The following IGF1 variants were observed in gnomAD, a reference collection of about 807,000 sequenced individuals.
IGF1 encodes the protein insulin-like growth factor 1.
IGF1 carries 4 observed loss-of-function variants against 13.8 expected under a neutral mutation model. The ratio of observed to expected loss-of-function variants is 0.29; its 90% confidence interval spans 0.14 to 0.66. The LOEUF is 0.66. Ranked by LOEUF, IGF1 falls within the 30% of genes least tolerant of loss-of-function variation. The pLI is 0.78. For synonymous variants in IGF1, 76 were observed against 72.6 expected, an observed-to-expected ratio of 1.05 and a Z score of -0.23; for missense variants, 124 against 188.5, an observed-to-expected ratio of 0.66 and a Z score of 2.00.
At chr12:102,447,537 T>C in intron 2 of IGF1, among the ~76,000 whole-genome samples, 1 of 152,262 alleles carries the variant, frequency 6.6e-6, no homozygotes, top group East Asian at 1.9e-4. Flanking sequence ...AGACTAGGAT[T>C]GCAACCTCTT....
rs1874241151 is a variant in IGF1 at position 102,407,150 on chromosome 12, A to AG, written c.403-4585_403-4584insC. Reference sequence around the variant, plus strand: ...AAAAAAAAAAGATCACTGAGGACTAATAACAACGGCAATAATAATAATCTT... The same window carrying AG: ...AAAAAAAAAAGATCACTGAGGACTAAGTAACAACGGCAATAATAATAATCTT... On this transcript the variant is annotated intron_variant, in intron 3 of 3. Coordinates refer to ENST00000337514, the MANE Select transcript of IGF1 (RefSeq NM_000618.5). 4.0e-5 allele frequency among the ~76,000 whole-genome samples: 6 copies of AG among 149,252 alleles called. No homozygotes were observed. In the Admixed American group the frequency reaches 4.0e-4, roughly 10 times the overall value.
In IGF1 at chr12:102,404,506, T is replaced by C. The variant is rs17879785; in HGVS notation, c.403-1940A>G. Reference sequence around the variant, plus strand: ...TTTTATGAGTCGATGGTCAACATCTTGTACTGACTGAGTAGAAGGAAGATG... The same window carrying C: ...TTTTATGAGTCGATGGTCAACATCTCGTACTGACTGAGTAGAAGGAAGATG... On this transcript the variant is annotated intron_variant, in intron 3 of 3. Coordinates refer to ENST00000337514, the MANE Select transcript of IGF1 (RefSeq NM_000618.5). Among the ~76,000 whole-genome samples the C allele has an allele frequency of 5.1e-3, 774 of 152,308 alleles. 1 individual carries two copies. The highest frequency in any genetic ancestry group is 8.3e-3 in the Non-Finnish European group (567 of 68,034).
chr12:102,434,385 T>G (rs1410036684), intron 2 of IGF1, among the ~76,000 whole-genome samples: 1 of 148,620 alleles, frequency 6.7e-6, no homozygotes, highest in African/African-American at 2.5e-5. Context: ...CACCTATGAA[T>G]GAGAACATGC....
In IGF1 at chr12:102,414,663, A is replaced by T. The variant is rs200289652; in HGVS notation, c.402+4846T>A. 9.9e-5 allele frequency among the ~76,000 whole-genome samples: 15 copies of T among 152,162 alleles called. No homozygotes were observed. In the East Asian group the frequency reaches 2.7e-3, roughly 27 times the overall value. ...GGTCTTGAACTCCTGAGCTCAGGCAATCTGCCCGCCTTGGCCTCCCAAAGT... is the reference window on the plus strand; with the variant it reads ...GGTCTTGAACTCCTGAGCTCAGGCATTCTGCCCGCCTTGGCCTCCCAAAGT... On this transcript the variant is annotated intron_variant, in intron 3 of 3. Transcript: ENST00000337514.
chr12:102,472,884 C>CA lies in IGF1; in HGVS notation c.220+2758dup, dbSNP rs55911418. 9.4e-4 allele frequency among the ~76,000 whole-genome samples: 141 copies of CA among 150,588 alleles called. 1 individual carries two copies. In the East Asian group the frequency reaches 0.018, roughly 19 times the overall value. On this transcript the variant is annotated intron_variant, in intron 2 of 3. Coordinates refer to ENST00000337514, the MANE Select transcript of IGF1 (RefSeq NM_000618.5). ...ATTGTTAGTATATATTTTTTCAGTT[C>CA]AAAAAAAAATAAAAGCAGTTTTATT... is the stretch of plus-strand genomic sequence containing the variant.
At chr12:102,464,810 G>A (rs1412096896) in intron 2 of IGF1, among the ~76,000 whole-genome samples, 2 of 152,188 alleles carry the variant, frequency 1.3e-5, no homozygotes, top group Non-Finnish European at 2.9e-5. Context: ...TTGAGAGTGC[G>A]AAGATACTTT....
At position 102,419,710 on chromosome 12, in the gene IGF1, T is replaced by C. The variant is rs1447122818; in HGVS notation, c.221-20A>G. 5.0e-6 allele frequency: 8 copies of C among 1,609,226 alleles called. No individual in the cohort carries two copies. Among genetic ancestry groups the C allele is most frequent in the Non-Finnish European group, 5.1e-6 (6 of 1,179,830 alleles). On this transcript the variant is annotated intron_variant, in intron 2 of 3. Transcript: ENST00000337514. ...GCTTGTCTGCACAAATCAAACAGAG[T>C]GGCCTCATGTTAGGGTGCAATCTGC... is the stretch of plus-strand genomic sequence containing the variant.
intron 1 of IGF1, among the ~76,000 whole-genome samples, chr12:102,476,100 C>T (rs1363220786): frequency 2.0e-5 from 3 of 152,122 alleles, no homozygotes; most frequent in Non-Finnish European, 2.9e-5. Context: ...GAAACGTTTA[C>T]TACGGAAATG....
rs889009661 is a variant in IGF1, at chr12:102,402,448, C to T, written c.*59G>A. 11 of 780,128 alleles carry T rather than the reference C, an allele frequency of 1.4e-5. No individual in the cohort carries two copies. Among genetic ancestry groups the T allele is most frequent in the African/African-American group, 3.4e-5 (2 of 59,088 alleles). 48.3% of individuals were successfully genotyped at this position (780,128 alleles called of 1,614,324 possible). On this transcript the variant is annotated 3_prime_UTR_variant, in exon 4 of 4. Transcript: ENST00000337514. ...GTGTTCCAAAGTTTAACAGGTAACT[C>T]GTGCAGAGCAAAGGATCCTGCGGTG...
chr12:102,411,334 A>G (rs561262227), intron 3 of IGF1, among the ~76,000 whole-genome samples: 23 of 152,324 alleles, frequency 1.5e-4, no homozygotes, highest in Admixed American at 1.2e-3. Flanking sequence ...TCAACCTGCC[A>G]TGGTCTTGCT....
chr12:102,455,285 G>T, intron 2 of IGF1, among the ~76,000 whole-genome samples: 1 of 152,232 alleles, frequency 6.6e-6, no homozygotes, highest in Non-Finnish European at 1.5e-5. Context: ...GCTGCAAGTT[G>T]CACAACAGCA....
intron 2 of IGF1, among the ~76,000 whole-genome samples, chr12:102,430,276 A>G (rs1452681318): frequency 6.6e-6 from 1 of 152,156 alleles, no homozygotes; most frequent in Non-Finnish European, 1.5e-5. Context: ...CCAGCCAAGT[A>G]CCTGCTACTT....
chr12:102,479,248 C>T (rs1473465681), intron 1 of IGF1, among the ~76,000 whole-genome samples: 1 of 152,128 alleles, frequency 6.6e-6, no homozygotes, highest in Non-Finnish European at 1.5e-5. Context: ...ATCTTTAACT[C>T]CTGGAGCCAC....
At position 102,439,847 on chromosome 12, in the gene IGF1, T is replaced by G. The variant is rs1183497113; in HGVS notation, c.221-20157A>C. ...GAGTGATTATTACACAGAAGATTAT[T>G]CCTCATCTCTTCTGAGGACTAGACA... On this transcript the variant is annotated intron_variant, in intron 2 of 3. Transcript: ENST00000337514. 5.3e-5 allele frequency among the ~76,000 whole-genome samples: 8 copies of G among 152,308 alleles called. No individual in the cohort carries two copies. The South Asian group carries it at 1.5e-3, about 28-fold the overall frequency.
At chr12:102,468,708 T>C (rs962166767) in intron 2 of IGF1, among the ~76,000 whole-genome samples, 15 of 152,228 alleles carry the variant, frequency 9.9e-5, no homozygotes, top group East Asian at 7.7e-4. Flanking sequence ...GGATGTCTCA[T>C]GGAGAGGTGT....
intron 3 of IGF1, among the ~76,000 whole-genome samples, chr12:102,411,640 T>C (rs1874649022): frequency 6.6e-6 from 1 of 152,236 alleles, no homozygotes; most frequent in Non-Finnish European, 1.5e-5. Context: ...GCTGCCATCA[T>C]ACTCAGCTTT....
chr12:102,460,246 G>C (rs1283383196), intron 2 of IGF1, among the ~76,000 whole-genome samples: 1 of 152,186 alleles, frequency 6.6e-6, no homozygotes, highest in Non-Finnish European at 1.5e-5. Flanking sequence ...AGATGCAGGT[G>C]GGGTGGGAGT....
chr12:102,407,935 A>C (rs1230591588), intron 3 of IGF1, among the ~76,000 whole-genome samples: 1 of 152,198 alleles, frequency 6.6e-6, no homozygotes, highest in East Asian at 1.9e-4. Context: ...TAAAAGGATA[A>C]AAATAGGCTC....
intron 2 of IGF1, among the ~76,000 whole-genome samples, chr12:102,430,610 A>G (rs966223800): frequency 6.6e-6 from 1 of 152,248 alleles, no homozygotes; most frequent in Non-Finnish European, 1.5e-5. Context: ...ACTTAAAAAA[A>G]AGAATTTTAG....
Sources: gnomAD v4.1 joint callset for allele counts (sites outside exome capture counted in the v4.1 genomes callset) on GRCh38, gnomAD v4.1.1 for gene constraint, MANE v1.5 for transcripts, NCBI Gene and HGNC (gene_info 2026-07-23, HGNC 2026-07-21) for gene names.